Variants in PRRC2B observed in about 807,000 individuals in gnomAD.
PRRC2B encodes protein PRRC2B.
PRRC2B carries 68 observed loss-of-function variants against 242.3 expected under a neutral mutation model. The ratio of observed to expected loss-of-function variants is 0.28; its 90% CI spans 0.23 to 0.34. The LOEUF (loss-of-function observed/expected upper bound fraction) is 0.34, where lower values mean the gene tolerates loss of function less well. Among genes scored for constraint, PRRC2B ranks in the 10% least tolerant of loss-of-function variants. The pLI, the probability that PRRC2B is intolerant of heterozygous loss-of-function variation, is 1.00. For missense variants in PRRC2B, 2,835 were observed against 2,954.8 expected (o/e 0.96, Z 0.94); for synonymous variants, 1,228 against 1,173.6 (o/e 1.05, Z -0.95).
chr9:131,498,420 A>T lies in PRRC2B; in HGVS notation c.*2546A>T, dbSNP rs1944387411. 1 of 152,246 alleles carries T rather than the reference A, an allele frequency of 6.6e-6. No individual in the cohort carries two copies. Among genetic ancestry groups the T allele is most frequent in the Admixed American group, 6.5e-5 (1 of 15,286 alleles). The allele number at this position is 152,246 out of a possible 1,614,324, so 9.4% of individuals were successfully genotyped here. ...AGCTGCAGTCTCTTCGCTGAGATGCAGGTTTTAAATGAGACTTGGGGGGCT... is the reference window on the plus strand; with the variant it reads ...AGCTGCAGTCTCTTCGCTGAGATGCTGGTTTTAAATGAGACTTGGGGGGCT... On this transcript the variant is annotated 3_prime_UTR_variant, in exon 32 of 32. Transcript: ENST00000683519.
intron 2 of PRRC2B, among the ~76,000 whole-genome samples, chr9:131,431,208 G>A (rs1394775287): frequency 1.3e-5 from 2 of 152,038 alleles, no homozygotes; most frequent in Non-Finnish European, 2.9e-5. Context: ...TTGGCTCACT[G>A]TAAGCTCTGC....
At chr9:131,406,911 G>A (rs1186697699) in intron 1 of PRRC2B, among the ~76,000 whole-genome samples, 1 of 152,202 alleles carries the variant, frequency 6.6e-6, no homozygotes, top group Admixed American at 6.5e-5. Flanking sequence ...AGAGAGGACT[G>A]CTGTCTTAAC....
At chr9:131,490,792 C>T (rs988061823) in intron 28 of PRRC2B, 6 of 355,302 alleles carry the variant, frequency 1.7e-5, no homozygotes, top group Admixed American at 1.1e-4. Context: ...AACGTGTGTG[C>T]TGTACAAAGG....
At chr9:131,485,407 G>C (rs1036570093) in intron 25 of PRRC2B, among the ~76,000 whole-genome samples, 3 of 152,224 alleles carry the variant, frequency 2.0e-5, no homozygotes, top group African/African-American at 4.8e-5. Context: ...TTGACTTTGA[G>C]TCAGACCTGG....
rs1271743449 is a variant in PRRC2B at position 131,479,307 on chromosome 9, A to G, written c.4814A>G (p.Lys1605Arg). Residue 1605 changes from lysine (K) to arginine (R), a missense_variant, in exon 19 of 32, where the codon AAG (lysine) becomes AGG (arginine). By Grantham distance (26) the Lys-to-Arg change is conservative. Around this residue, in one of 7 missense-constraint regions of PRRC2B, gnomAD observed 1,536 missense variants for 1,483.1 expected, o/e 1.04. Coordinates refer to ENST00000683519, the MANE Select transcript of PRRC2B (RefSeq NM_013318.4). ...CGTATTCCTCCTCGATTTGCAAAAA[A>G]GCAGAACAACTTATGTCTGGAGCAA... ...SSRIPPRFAK[K>R]QNNLCLEQGD... is the part of the protein sequence containing the mutation. 2.5e-6 allele frequency: 4 copies of G among 1,613,930 alleles called. No individual in the cohort carries two copies. Among genetic ancestry groups the G allele is most frequent in the Non-Finnish European group, 3.4e-6 (4 of 1,179,862 alleles).
In PRRC2B at chr9:131,437,958, G is replaced by A. The variant is rs531860399; in HGVS notation, c.397-1031G>A. On this transcript the variant is annotated intron_variant, in intron 4 of 31. Transcript: ENST00000683519. ...TGAGGTCCTGGGCATCTATTTGAAT[G>A]AATTGCTGAAGGGGAGCACTATGCC... Among the ~76,000 whole-genome samples, 42 of 152,306 alleles carry A rather than the reference G, an allele frequency of 2.8e-4. 1 individual carries two copies. In the East Asian group the frequency reaches 7.3e-3, roughly 27 times the overall value.
In PRRC2B at chr9:131,477,819, G is replaced by T. The variant is rs1476247187; in HGVS notation, c.4482G>T (p.Glu1494Asp). 6.2e-7 allele frequency: 1 copy of T among 1,612,718 alleles called. No individual in the cohort carries two copies. Among genetic ancestry groups the T allele is most frequent in the Non-Finnish European group, 8.5e-7 (1 of 1,179,098 alleles). The change falls in exon 17 of 32, where the codon GAG becomes GAT. Residue 1494 changes from glutamate (E) to aspartate (D), a missense_variant. By Grantham distance (45) the Glu-to-Asp change is conservative. Around this residue, in one of 7 missense-constraint regions of PRRC2B, gnomAD observed 1,536 missense variants for 1,483.1 expected, o/e 1.04. Coordinates refer to ENST00000683519, the MANE Select transcript of PRRC2B (RefSeq NM_013318.4). ...GTGGCCACTCCCCCTATGCCCTGGA[G>T]CGGGCAGCCCATGCCAGTGCTGACC... The part of the protein sequence containing the change: ...SGSGHSPYAL[E>D]RAAHASADLP...
intron 16 of PRRC2B, among the ~76,000 whole-genome samples, chr9:131,477,474 C>T (rs1588275464): frequency 1.3e-5 from 2 of 152,142 alleles, no homozygotes; most frequent in East Asian, 3.9e-4. Flanking sequence ...TTGTCTCTCT[C>T]CCCCCTACAC....
intron 1 of PRRC2B, among the ~76,000 whole-genome samples, chr9:131,426,503 G>T (rs1474348432): frequency 6.6e-6 from 1 of 152,054 alleles, no homozygotes; most frequent in Non-Finnish European, 1.5e-5. Flanking sequence ...TATTAATTAT[G>T]ACTTTTGGGG....
intron 1 of PRRC2B, among the ~76,000 whole-genome samples, chr9:131,382,166 G>A (rs7863244): frequency 0.027 from 4,028 of 151,808 alleles, 162 homozygotes; most frequent in African/African-American, 0.089. Context: ...ACAGGCATCC[G>A]CCACCACGCC....
rs1943628456 is a variant in PRRC2B at position 131,474,346 on chromosome 9, TTA to T, written c.2325-107_2325-106del. ...TCTAGCTTTCTTTTTAAAAAGTGTT[TTA>T]GTTTTTGTTTTTGTTTTTTCTTTTT... is the stretch of plus-strand genomic sequence containing the variant. On this transcript the variant is annotated intron_variant, in intron 15 of 31. Transcript: ENST00000683519. The T allele has an allele frequency of 1.1e-5, 10 of 948,906 alleles. No homozygotes were observed. In the South Asian group the frequency reaches 1.7e-4, roughly 16 times the overall value. The allele number at this position is 948,906 out of a possible 1,614,324, so 58.8% of individuals were successfully genotyped here. A position where few individuals can be genotyped will look rare whatever the true frequency, so the allele number is the denominator to read the frequency against.
At chr9:131,395,318 G>A (rs1198096280) in intron 1 of PRRC2B, among the ~76,000 whole-genome samples, 1 of 152,046 alleles carries the variant, frequency 6.6e-6, no homozygotes, top group Non-Finnish European at 1.5e-5. Flanking sequence ...GCTTTGTACA[G>A]TGTCATCCAG....
intron 1 of PRRC2B, among the ~76,000 whole-genome samples, chr9:131,397,510 AATTTC>A (rs1358082747): frequency 6.9e-6 from 1 of 144,324 alleles, no homozygotes; most frequent in Non-Finnish European, 1.5e-5. Context: ...ACCTCTTTTG[AATTTC>A]AGTTCTCTTT....
chr9:131,476,503 C>T lies in PRRC2B; in HGVS notation c.4374C>T (p.Ser1458=). The T allele has an allele frequency of 6.2e-7, 1 of 1,605,868 alleles. No individual in the cohort carries two copies. The highest frequency in any genetic ancestry group is 1.3e-5 in the African/African-American group (1 of 74,610). ...GTGACACCTCCCCTCGCTATGAGAG[C>T]CAACAGAATGGGACGCCTTTGAAAG... ...GGGDTSPRYE[S]QQNGTPLKVK... Residue 1458 remains serine (S), a synonymous_variant, in exon 16 of 32, where the codon AGC becomes AGT. Coordinates refer to ENST00000683519, the MANE Select transcript of PRRC2B (RefSeq NM_013318.4).
intron 17 of PRRC2B, 124 bp downstream of exon 17, chr9:131,478,073 C>A: frequency 1.2e-6 from 1 of 813,346 alleles, no homozygotes. Flanking sequence ...TCGGCCAGGC[C>A]CTGGGCTGGG....
Position 131,494,502 on chromosome 9 carries a change from C to A in PRRC2B, c.6555+16C>A. 1.4e-6 allele frequency: 2 copies of A among 1,464,664 alleles called. No homozygotes were observed. Among genetic ancestry groups the A allele is most frequent in the Non-Finnish European group, 1.9e-6 (2 of 1,052,728 alleles). The allele number at this position is 1,464,664 out of a possible 1,614,324, so 90.7% of individuals were successfully genotyped here. ...CGTGCAACAGGTAGAAGATGGCTTT[C>A]CAGACCCTTCAGCCCTGGACACTTA... On this transcript the variant is annotated intron_variant, in intron 31 of 31. Transcript: ENST00000683519. The surrounding 1 kb of genome is among the most constrained non-coding windows in gnomAD (Gnocchi z 4.3).
At chr9:131,420,490 T>TC (rs1837794590) in intron 1 of PRRC2B, among the ~76,000 whole-genome samples, 8 of 20,986 alleles carry the variant, frequency 3.8e-4, no homozygotes, top group African/African-American at 1.0e-3. Flanking sequence ...TCTTTCTTTC[T>TC]TTCTTTTTTT....
At chr9:131,389,735 A>G (rs1054789852), upstream of PRRC2B, among the ~76,000 whole-genome samples, 3 of 149,530 alleles carry the variant, frequency 2.0e-5, no homozygotes, top group African/African-American at 2.4e-5. Context: ...TCCACTTTTC[A>G]ACCACCATGG....
chr9:131,381,388 T>C (rs1836756951), intron 1 of PRRC2B, among the ~76,000 whole-genome samples: 1 of 151,524 alleles, frequency 6.6e-6, no homozygotes, highest in Non-Finnish European at 1.5e-5. Context: ...TTGCTTCTTA[T>C]ACTCAACCAG....
Sources: gnomAD v4.1 joint callset for allele counts (sites outside exome capture counted in the v4.1 genomes callset) on GRCh38, gnomAD v4.1.1 for gene constraint, gnomAD v4.1.1 regional missense constraint, Gnocchi (gnomAD v3.1) non-coding constraint, MANE v1.5 for transcripts, NCBI Gene and HGNC (gene_info 2026-07-23, HGNC 2026-07-21) for gene names.